GPC6: variants seen among roughly 807,000 people sequenced by gnomAD.
GPC6 encodes the protein glypican-6.
A neutral mutation model predicts 55.2 loss-of-function variants in GPC6; 14 were observed. That is an observed-to-expected ratio of 0.25 (90% confidence interval 0.17 to 0.40). The LOEUF (loss-of-function observed/expected upper bound fraction) is 0.40. Ranked by LOEUF, GPC6 falls within the 10% of genes least tolerant of loss-of-function variation. The probability of loss-of-function intolerance (pLI) is 1.00; values close to 1 mark genes in which losing one functional copy is unlikely to be tolerated. For missense variants in GPC6, 641 were observed against 708.5 expected (o/e 0.90, Z 1.08); for synonymous variants, 278 against 259.6 (o/e 1.07, Z -0.68).
rs1236636716 is a variant in GPC6, at chr13:94,045,002, A to T, written c.877+17108A>T. ...AATGGGCTAAATATAAGAGTGAGAT[A>T]TATATTTGTGAATAGCCTATGTTAC... On this transcript the variant is annotated intron_variant, in intron 4 of 8. Transcript: ENST00000377047. Among the ~76,000 whole-genome samples the T allele has an allele frequency of 3.9e-5, 6 of 152,026 alleles. No homozygotes were observed. The East Asian group carries it at 1.2e-3, about 29-fold the overall frequency.
chr13:93,934,096 G>A (rs542750878), intron 3 of GPC6, among the ~76,000 whole-genome samples: 6 of 152,192 alleles, frequency 3.9e-5, no homozygotes, highest in Non-Finnish European at 5.9e-5. Context: ...CACTAGTTTC[G>A]CCATGGTGAG....
intron 4 of GPC6, among the ~76,000 whole-genome samples, chr13:94,274,404 C>A (rs549997229): frequency 1.3e-3 from 192 of 152,210 alleles, no homozygotes; most frequent in Admixed American, 2.0e-3. Context: ...GGATGGCTGT[C>A]CCTGTTTTAT....
chr13:94,081,399 C>A (rs1885091117), intron 4 of GPC6, among the ~76,000 whole-genome samples: 1 of 152,050 alleles, frequency 6.6e-6, no homozygotes, highest in Non-Finnish European at 1.5e-5. Flanking sequence ...ACTGAAATTC[C>A]CATATTTAAT....
At chr13:94,072,756 A>C (rs1884781594) in intron 4 of GPC6, among the ~76,000 whole-genome samples, 1 of 152,224 alleles carries the variant, frequency 6.6e-6, no homozygotes, top group South Asian at 2.1e-4. Context: ...TGTGGTCTGC[A>C]GGAACAAGAC....
chr13:94,091,305 T>C (rs558248096), intron 4 of GPC6, among the ~76,000 whole-genome samples: 1 of 150,708 alleles, frequency 6.6e-6, no homozygotes, highest in South Asian at 2.1e-4. Flanking sequence ...TACCGGGATA[T>C]AAACTTGCAA....
chr13:94,249,502 A>G (rs1208605813), intron 4 of GPC6, among the ~76,000 whole-genome samples: 5 of 152,168 alleles, frequency 3.3e-5, no homozygotes, highest in Non-Finnish European at 5.9e-5. Context: ...AGACACTTGC[A>G]TAGATTTTCA....
chr13:93,796,359 C>T (rs934509242), intron 2 of GPC6, among the ~76,000 whole-genome samples: 4 of 151,930 alleles, frequency 2.6e-5, no homozygotes, highest in Admixed American at 1.3e-4. Flanking sequence ...TATTTTCATT[C>T]GTAGTATTTT....
At chr13:94,076,648 G>T (rs1884924648) in intron 4 of GPC6, among the ~76,000 whole-genome samples, 1 of 151,800 alleles carries the variant, frequency 6.6e-6, no homozygotes, top group Non-Finnish European at 1.5e-5. Flanking sequence ...TTTTGGGTGG[G>T]ATTTTATATA....
intron 2 of GPC6, among the ~76,000 whole-genome samples, chr13:93,637,036 G>A (rs1398425179): frequency 6.6e-6 from 1 of 151,776 alleles, no homozygotes; most frequent in Non-Finnish European, 1.5e-5. Context: ...AAAATGCTAG[G>A]CCTTTTCCTC....
chr13:93,311,281 T>G lies in GPC6; in HGVS notation c.160+83665T>G, dbSNP rs192003380. On this transcript the variant is annotated intron_variant, in intron 1 of 8. Coordinates refer to ENST00000377047, the MANE Select transcript of GPC6 (RefSeq NM_005708.5). ...CCTGTGTCTTAACATGCATTCATTT[T>G]ACATTTCCCTGTGGGAGCACACAGA... Among the ~76,000 whole-genome samples, 320 of 152,356 alleles carry G rather than the reference T, an allele frequency of 2.1e-3. 2 individuals are homozygous for G. Among genetic ancestry groups the G allele is most frequent in the African/African-American group, 7.5e-3 (310 of 41,590 alleles).
chr13:93,233,669 T>A (rs1328364), intron 1 of GPC6, among the ~76,000 whole-genome samples: 86,419 of 151,970 alleles, frequency 0.57, 25,166 homozygotes, highest in African/African-American at 0.67. Flanking sequence ...GAATAATGGG[T>A]TCTGAAGCAT....
At chr13:93,582,028 C>T (rs556366388) in intron 2 of GPC6, among the ~76,000 whole-genome samples, 22 of 152,180 alleles carry the variant, frequency 1.4e-4, no homozygotes, top group Admixed American at 3.9e-4. Flanking sequence ...CAGAGAGAGA[C>T]GGTTCACATG....
chr13:93,889,254 T>C (rs1246642682), intron 3 of GPC6, among the ~76,000 whole-genome samples: 1 of 152,118 alleles, frequency 6.6e-6, no homozygotes, highest in Non-Finnish European at 1.5e-5. Flanking sequence ...TAATACAGCC[T>C]GTCAGTTGCT....
At chr13:93,732,148 T>A (rs1037198585) in intron 2 of GPC6, among the ~76,000 whole-genome samples, 3 of 152,174 alleles carry the variant, frequency 2.0e-5, no homozygotes, top group African/African-American at 7.2e-5. Context: ...AAATCACATC[T>A]CCCTTGTCCT....
intron 1 of GPC6, among the ~76,000 whole-genome samples, chr13:93,276,495 AGT>A (rs71675979): frequency 4.0e-3 from 375 of 94,398 alleles, no homozygotes; most frequent in Admixed American, 7.2e-3. Context: ...AGAGAGAGAG[AGT>A]GTGTGTGTGT....
At chr13:94,378,954 A>T (rs1278222617) in intron 6 of GPC6, among the ~76,000 whole-genome samples, 1 of 152,132 alleles carries the variant, frequency 6.6e-6, no homozygotes, top group Non-Finnish European at 1.5e-5. Context: ...GTTATTAATG[A>T]ATTAGGGCTC....
At chr13:94,130,341 T>C (rs1886966236) in intron 4 of GPC6, among the ~76,000 whole-genome samples, 1 of 152,076 alleles carries the variant, frequency 6.6e-6, no homozygotes, top group Non-Finnish European at 1.5e-5. Flanking sequence ...AAAGGAACAG[T>C]TGTTATATTT....
chr13:94,399,165 C>T (rs1243693186), intron 8 of GPC6, among the ~76,000 whole-genome samples: 1 of 152,194 alleles, frequency 6.6e-6, no homozygotes, highest in Non-Finnish European at 1.5e-5. Context: ...CTTTTAGAAG[C>T]CTCATTTGAG....
At chr13:93,942,050 T>C (rs2140363968) in intron 3 of GPC6, among the ~76,000 whole-genome samples, 1 of 152,316 alleles carries the variant, frequency 6.6e-6, no homozygotes, top group African/African-American at 2.4e-5. Context: ...TTTAAGAGAA[T>C]TCCTAAGTTC....
Sources: allele counts gnomAD v4.1 joint callset (sites outside exome capture counted in the v4.1 genomes callset), GRCh38; gene constraint gnomAD v4.1.1; transcripts MANE v1.5; gene names NCBI Gene and HGNC (gene_info 2026-07-23, HGNC 2026-07-21).